Variants in FKBP15 observed in about 807,000 individuals in gnomAD.
FKBP15 encodes the protein FK506-binding protein 15.
A neutral mutation model predicts 158.1 loss-of-function variants in FKBP15; 106 were observed. The ratio of observed to expected loss-of-function variants is 0.67; its 90% confidence interval spans 0.57 to 0.79. FKBP15 has a LOEUF of 0.79. Ranked by LOEUF, FKBP15 falls within the 30% of genes least tolerant of loss-of-function variation. FKBP15 has a pLI of 0.00. For synonymous variants in FKBP15, 547 were observed against 548.6 expected, an observed-to-expected ratio of 1.00 and a Z score of 0.04; for missense variants, 1,287 against 1,479.1, an observed-to-expected ratio of 0.87 and a Z score of 2.13.
chr9:113,173,775 G>C (rs1286483399), intron 22 of FKBP15, among the ~76,000 whole-genome samples, 170 bp from the exon 23 acceptor site: 1 of 152,126 alleles, frequency 6.6e-6, no homozygotes, highest in Non-Finnish European at 1.5e-5. Context: ...CACTTCTTAA[G>C]ATGTCATTGG....
intron 15 of FKBP15, among the ~76,000 whole-genome samples, chr9:113,185,919 A>T (rs968662538): frequency 6.6e-6 from 1 of 152,104 alleles, no homozygotes; most frequent in African/African-American, 2.4e-5. Flanking sequence ...AACTCTAGCT[A>T]CTCTAACAGA....
At chr9:113,179,785 AAAAT>A (rs754482745) in intron 19 of FKBP15, among the ~76,000 whole-genome samples, 8 of 152,144 alleles carry the variant, frequency 5.3e-5, no homozygotes, top group Non-Finnish European at 1.2e-4. Context: ...TTCACTTTAA[AAAAT>A]AAATAAATAA....
At chr9:113,178,881 A>T in intron 19 of FKBP15, 80 bp from the exon 20 acceptor site, 1 of 1,357,744 alleles carries the variant, frequency 7.4e-7, no homozygotes, top group Non-Finnish European at 9.9e-7. Flanking sequence ...ACATAACTCT[A>T]TGTAGACTGA....
intron 4 of FKBP15, among the ~76,000 whole-genome samples, chr9:113,204,118 C>T (rs1172896774): frequency 2.0e-5 from 3 of 152,134 alleles, no homozygotes; most frequent in Non-Finnish European, 2.9e-5. Context: ...ACTCTTGTTG[C>T]CCAGGCTGGA....
At chr9:113,217,568 TA>T (rs1831165062) in intron 1 of FKBP15, among the ~76,000 whole-genome samples, 1 of 152,196 alleles carries the variant, frequency 6.6e-6, no homozygotes, top group South Asian at 2.1e-4. Flanking sequence ...AAGTTACTTG[TA>T]AATTTTTAGC....
At chr9:113,217,872 AAT>A (rs1401348020) in intron 1 of FKBP15, among the ~76,000 whole-genome samples, 1 of 151,968 alleles carries the variant, frequency 6.6e-6, no homozygotes, top group Non-Finnish European at 1.5e-5. Flanking sequence ...AAAATAAATA[AAT>A]TTTTAGATTT....
At chr9:113,213,641 G>A (rs184181021) in intron 1 of FKBP15, among the ~76,000 whole-genome samples, 42 of 151,802 alleles carry the variant, frequency 2.8e-4, no homozygotes, top group Non-Finnish European at 5.3e-4. Context: ...GACTGGTGGC[G>A]TTATAAGAAG....
At chr9:113,192,297 T>G (rs10981679) in intron 11 of FKBP15, among the ~76,000 whole-genome samples, 48,275 of 152,076 alleles carry the variant, frequency 0.32, 7,842 homozygotes, top group Non-Finnish European at 0.33. Flanking sequence ...TATAAACAAG[T>G]AAACTAGGGT....
In FKBP15 at chr9:113,197,220, T is replaced by C. The variant is rs185476975; in HGVS notation, c.718-142A>G. 1.5e-4 allele frequency: 132 copies of C among 903,620 alleles called. No individual in the cohort carries two copies. In the East Asian group the frequency reaches 3.0e-3, roughly 21 times the overall value. The allele number at this position is 903,620 out of a possible 1,614,324, so 56.0% of individuals were successfully genotyped here. A position where few individuals can be genotyped will look rare whatever the true frequency, so the allele number is the denominator to read the frequency against. On this transcript the variant is annotated intron_variant, in intron 8 of 27. Coordinates refer to ENST00000238256, the MANE Select transcript of FKBP15 (RefSeq NM_015258.2). Reference sequence around the variant, plus strand: ...GAGGTCGGGTCTGACTACTGCCCCATGTTGGTATAAGAATATCTAGAATAC... The same window carrying C: ...GAGGTCGGGTCTGACTACTGCCCCACGTTGGTATAAGAATATCTAGAATAC...
At chr9:113,194,779 A>C (rs925101297) in intron 9 of FKBP15, among the ~76,000 whole-genome samples, 4 of 152,208 alleles carry the variant, frequency 2.6e-5, no homozygotes, top group Non-Finnish European at 4.4e-5. Flanking sequence ...AGTATATTTA[A>C]CTTCAAGGGT....
At chr9:113,187,676 T>C (rs1362002461) in intron 14 of FKBP15, 117 bp downstream of exon 14, 3 of 819,150 alleles carry the variant, frequency 3.7e-6, no homozygotes, top group Non-Finnish European at 3.9e-6. Context: ...GGGAAAAAAA[T>C]TACAAACTCT....
At chr9:113,201,542 G>A (rs1455272610) in intron 6 of FKBP15, among the ~76,000 whole-genome samples, 2 of 152,168 alleles carry the variant, frequency 1.3e-5, no homozygotes, top group East Asian at 3.8e-4. Flanking sequence ...CCAGGAGGGT[G>A]GAGCCCTCAT....
chr9:113,182,493 C>T (rs1830416651), intron 19 of FKBP15, among the ~76,000 whole-genome samples: 1 of 152,156 alleles, frequency 6.6e-6, no homozygotes, highest in Non-Finnish European at 1.5e-5. Context: ...TTGATTTTGT[C>T]AACAGAATAA....
chr9:113,190,399 C>G, intron 12 of FKBP15, 72 bp downstream of exon 12: 1 of 1,269,764 alleles, frequency 7.9e-7, no homozygotes, highest in Non-Finnish European at 1.1e-6. Context: ...AAAACAATCA[C>G]TCCAACCAAA....
chr9:113,175,385 A>G (rs1470037435), intron 21 of FKBP15, among the ~76,000 whole-genome samples: 1 of 152,180 alleles, frequency 6.6e-6, no homozygotes, highest in Non-Finnish European at 1.5e-5. Flanking sequence ...AAATAAATAA[A>G]ATGGAAAAAA....
chr9:113,213,861 T>C (rs1231231071), intron 1 of FKBP15, among the ~76,000 whole-genome samples: 1 of 152,234 alleles, frequency 6.6e-6, no homozygotes, highest in Non-Finnish European at 1.5e-5. Flanking sequence ...CAGACTAAGA[T>C]ATCAGCCAAG....
At chr9:113,205,427 A>G (rs1158596582) in intron 4 of FKBP15, among the ~76,000 whole-genome samples, 3 of 152,238 alleles carry the variant, frequency 2.0e-5, no homozygotes, top group Non-Finnish European at 4.4e-5. Context: ...ACTCAACATT[A>G]GACATTGGGT....
intron 4 of FKBP15, among the ~76,000 whole-genome samples, chr9:113,203,321 TA>T (rs1830828814): frequency 6.6e-6 from 1 of 152,166 alleles, no homozygotes; most frequent in South Asian, 2.1e-4. Flanking sequence ...GCTGGTTGTG[TA>T]AAAGAAAATA....
intron 18 of FKBP15, 40 bp downstream of exon 18, chr9:113,183,711 C>A (rs749714127): frequency 2.2e-6 from 3 of 1,360,134 alleles, no homozygotes; most frequent in Non-Finnish European, 3.1e-6. Flanking sequence ...CATAATAAAC[C>A]CTTTTGTCCA....
Sources: allele counts gnomAD v4.1 joint callset (sites outside exome capture counted in the v4.1 genomes callset), GRCh38; gene constraint gnomAD v4.1.1; transcripts MANE v1.5; gene names NCBI Gene and HGNC (gene_info 2026-07-23, HGNC 2026-07-21).